Variants in APBB1IP observed in about 807,000 individuals in gnomAD.
APBB1IP encodes amyloid beta precursor protein binding family B member 1 interacting protein.
A neutral mutation model predicts 64.9 loss-of-function variants in APBB1IP; 27 were observed. The ratio of observed to expected loss-of-function variants is 0.42; its 90% CI spans 0.31 to 0.57. The LOEUF (loss-of-function observed/expected upper bound fraction) is 0.57. Among genes scored for constraint, APBB1IP ranks in the 20% least tolerant of loss-of-function variants. APBB1IP has a pLI of 0.20. For missense variants in APBB1IP, 812 were observed against 845.5 expected, an observed-to-expected ratio of 0.96 and a Z score of 0.49; for synonymous variants, 392 against 331.0, an observed-to-expected ratio of 1.18 and a Z score of -2.00.
At chr10:26,557,608 C>A (rs1390570759) in intron 11 of APBB1IP, among the ~76,000 whole-genome samples, 2 of 152,192 alleles carry the variant, frequency 1.3e-5, no homozygotes, top group Non-Finnish European at 2.9e-5. Flanking sequence ...AGTCAGGAGA[C>A]CCCCAGGTTC....
chr10:26,565,912 G>T (rs1837037036), intron 14 of APBB1IP, among the ~76,000 whole-genome samples: 1 of 152,144 alleles, frequency 6.6e-6, no homozygotes, highest in Admixed American at 6.6e-5. Flanking sequence ...TCCTTGGTCA[G>T]GTTACAATGG....
intron 10 of APBB1IP, among the ~76,000 whole-genome samples, chr10:26,536,593 C>CTTTTT (rs58921295): frequency 1.4e-5 from 2 of 143,414 alleles, no homozygotes. Context: ...GATTTTCTTT[C>CTTTTT]TTTTTTTTTT....
chr10:26,527,532 T>C (rs1267481695), intron 8 of APBB1IP, among the ~76,000 whole-genome samples: 3 of 143,188 alleles, frequency 2.1e-5, no homozygotes, highest in Non-Finnish European at 4.5e-5. Context: ...AACAGAGCAA[T>C]ACCTTGTCTC....
At chr10:26,451,362 T>C (rs998647652) in intron 2 of APBB1IP, among the ~76,000 whole-genome samples, 28 of 152,174 alleles carry the variant, frequency 1.8e-4, no homozygotes, top group Non-Finnish European at 4.0e-4. Flanking sequence ...GTACTGAGAT[T>C]ACAGGCCTGA....
intron 8 of APBB1IP, among the ~76,000 whole-genome samples, chr10:26,517,435 A>T (rs1588598967): frequency 6.6e-6 from 1 of 152,194 alleles, no homozygotes; most frequent in Non-Finnish European, 1.5e-5. Context: ...ATGGAATTAT[A>T]TCACAGTACT....
chr10:26,492,460 T>C (rs878919453), intron 3 of APBB1IP, 62 bp downstream of exon 3: 4 of 1,438,854 alleles, frequency 2.8e-6, no homozygotes, highest in African/African-American at 1.4e-5. Flanking sequence ...AATTTCATTG[T>C]AATATGACAA....
At chr10:26,444,296 G>T (rs528073391) in intron 2 of APBB1IP, among the ~76,000 whole-genome samples, 1 of 152,296 alleles carries the variant, frequency 6.6e-6, no homozygotes, top group African/African-American at 2.4e-5. Context: ...ATCACGTGGG[G>T]TTCCAGAGGC....
At chr10:26,476,489 G>T in intron 2 of APBB1IP, among the ~76,000 whole-genome samples, 1 of 136,946 alleles carries the variant, frequency 7.3e-6, no homozygotes, top group Admixed American at 7.2e-5. Context: ...GAAAGGAAAA[G>T]AGACAGTTTT....
At chr10:26,541,437 T>C in intron 10 of APBB1IP, 145 bp from the exon 11 acceptor site, 1 of 644,312 alleles carries the variant, frequency 1.6e-6, no homozygotes, top group Non-Finnish European at 2.6e-6. Context: ...AGAAAACCTA[T>C]ACATGGCAGA....
intron 10 of APBB1IP, 71 bp from the exon 11 acceptor site, chr10:26,541,511 A>G: frequency 5.2e-6 from 5 of 961,028 alleles, no homozygotes; most frequent in Non-Finnish European, 8.1e-6. Context: ...TAGTTGTGCT[A>G]TGAAGGACAA....
intron 11 of APBB1IP, among the ~76,000 whole-genome samples, chr10:26,557,993 A>C (rs2132481599): frequency 6.6e-6 from 1 of 152,252 alleles, no homozygotes; most frequent in South Asian, 2.1e-4. Context: ...CTGCCAACTG[A>C]AGAGCAGATA....
chr10:26,545,617 G>T (rs953081740), intron 11 of APBB1IP, among the ~76,000 whole-genome samples: 1 of 152,046 alleles, frequency 6.6e-6, no homozygotes, highest in Non-Finnish European at 1.5e-5. Context: ...AAAATTAGCC[G>T]GGCGTGGTAG....
intron 8 of APBB1IP, among the ~76,000 whole-genome samples, chr10:26,519,519 A>G (rs1023020408): frequency 1.3e-5 from 2 of 152,190 alleles, no homozygotes; most frequent in Non-Finnish European, 1.5e-5. Flanking sequence ...ATCATGAGAC[A>G]GCACTAAAGA....
chr10:26,557,530 C>T (rs1195544020), intron 11 of APBB1IP, among the ~76,000 whole-genome samples: 2 of 152,220 alleles, frequency 1.3e-5, no homozygotes, highest in South Asian at 2.1e-4. Context: ...TGAATTTTTC[C>T]GTAGTCTCTT....
At chr10:26,486,268 G>T (rs1468966458) in intron 2 of APBB1IP, among the ~76,000 whole-genome samples, 1 of 152,110 alleles carries the variant, frequency 6.6e-6, no homozygotes, top group African/African-American at 2.4e-5. Flanking sequence ...AACGGTGGTG[G>T]TGAATATTGA....
At chr10:26,503,862 C>T (rs1049047643) in intron 6 of APBB1IP, among the ~76,000 whole-genome samples, 3 of 152,126 alleles carry the variant, frequency 2.0e-5, no homozygotes, top group Non-Finnish European at 4.4e-5. Flanking sequence ...ATGAATTTTC[C>T]TGGGAGCTGG....
intron 11 of APBB1IP, among the ~76,000 whole-genome samples, chr10:26,547,734 T>C (rs373161288): frequency 2.0e-5 from 3 of 152,160 alleles, no homozygotes; most frequent in East Asian, 3.8e-4. Flanking sequence ...CATGAGCCAC[T>C]GCGCCCGGCC....
chr10:26,502,538 A>C (rs1460273541), intron 5 of APBB1IP, among the ~76,000 whole-genome samples: 1 of 151,944 alleles, frequency 6.6e-6, no homozygotes, highest in African/African-American at 2.4e-5. Flanking sequence ...GCTACTCAGG[A>C]GGCTGAGGCA....
intron 2 of APBB1IP, among the ~76,000 whole-genome samples, chr10:26,443,677 G>C (rs1835361482): frequency 6.6e-6 from 1 of 150,712 alleles, no homozygotes; most frequent in Non-Finnish European, 1.5e-5. Flanking sequence ...TGGGATCACA[G>C]GTGTGCGTCA....
Sources: allele counts gnomAD v4.1 joint callset (sites outside exome capture counted in the v4.1 genomes callset), GRCh38; gene constraint gnomAD v4.1.1; transcripts MANE v1.5; gene names NCBI Gene and HGNC (gene_info 2026-07-23, HGNC 2026-07-21).